The following C2orf66 variants were observed in gnomAD, a reference collection of about 807,000 sequenced individuals.
C2orf66 encodes uncharacterized protein C2orf66.
C2orf66 carries 6 observed loss-of-function variants against 7.0 expected under a neutral mutation model. The ratio of observed to expected loss-of-function variants is 0.86; its 90% CI spans 0.47 to 1.69. The LOEUF (loss-of-function observed/expected upper bound fraction) is 1.69, where lower values mean the gene tolerates loss of function less well. Among genes scored for constraint, C2orf66 ranks in the 40% most tolerant of loss-of-function variants. C2orf66 has a pLI of 0.01. For synonymous variants in C2orf66, 38 were observed against 43.8 expected, an observed-to-expected ratio of 0.87 and a Z score of 0.52; for missense variants, 107 against 112.0, an observed-to-expected ratio of 0.96 and a Z score of 0.20.
At chr2:196,823,290 A>C in the C2orf66 span, among the ~76,000 whole-genome samples, 1 of 152,176 alleles carries the variant, frequency 6.6e-6, no homozygotes, top group African/African-American at 2.4e-5. Flanking sequence ...TTTAATAGAA[A>C]TTTGGAAACT....
upstream of C2orf66, chr2:196,810,216 T>G (rs985590535): frequency 1.3e-5 from 2 of 152,200 alleles, no homozygotes; most frequent in African/African-American, 2.4e-5. Flanking sequence ...GATTTTCTCC[T>G]TTTTTACTTT....
At chr2:196,815,838 T>C in the C2orf66 span, among the ~76,000 whole-genome samples, 1 of 152,230 alleles carries the variant, frequency 6.6e-6, no homozygotes, top group Non-Finnish European at 1.5e-5. Context: ...CCAGAGCTGA[T>C]ACAGCTCGTT....
chr2:196,822,462 G>A, the C2orf66 span, among the ~76,000 whole-genome samples: 208 of 152,224 alleles, frequency 1.4e-3, 1 homozygote, highest in African/African-American at 4.8e-3. Context: ...GCTTCTTTAC[G>A]CCAGAACTCT....
the C2orf66 span, chr2:196,831,962 C>T: frequency 6.6e-6 from 1 of 152,152 alleles, no homozygotes; most frequent in Admixed American, 6.5e-5. Context: ...TGGTTTGTTA[C>T]ATTTGCAGGC....
chr2:196,823,479 C>G, the C2orf66 span, among the ~76,000 whole-genome samples: 3 of 151,680 alleles, frequency 2.0e-5, no homozygotes, highest in Non-Finnish European at 4.4e-5. Flanking sequence ...GAAAAATTAG[C>G]CAGGTGTGGG....
At chr2:196,822,017 C>T in the C2orf66 span, among the ~76,000 whole-genome samples, 1 of 126,944 alleles carries the variant, frequency 7.9e-6, no homozygotes, top group African/African-American at 2.9e-5. Flanking sequence ...TGGATCCAAG[C>T]GATTCTCCTG....
At chr2:196,813,655 T>C (rs146992304), upstream of C2orf66, among the ~76,000 whole-genome samples, 1 of 151,940 alleles carries the variant, frequency 6.6e-6, no homozygotes, top group Non-Finnish European at 1.5e-5. Context: ...TACAGAATGG[T>C]AGAAAATTTT....
upstream of C2orf66, chr2:196,809,407 A>G: frequency 6.3e-7 from 1 of 1,582,072 alleles, no homozygotes. Flanking sequence ...TAGTCAGGGA[A>G]GAGAGAGAGA....
chr2:196,823,708 CTTTG>C, the C2orf66 span, among the ~76,000 whole-genome samples: 198 of 152,022 alleles, frequency 1.3e-3, no homozygotes, highest in East Asian at 0.019. Context: ...TAATTTGATA[CTTTG>C]TTTGTCTAGT....
At chr2:196,830,046 T>A in the C2orf66 span, among the ~76,000 whole-genome samples, 4 of 152,174 alleles carry the variant, frequency 2.6e-5, no homozygotes, top group African/African-American at 7.2e-5. Flanking sequence ...TCAAAATATA[T>A]CCTCCCCCAT....
the C2orf66 span, among the ~76,000 whole-genome samples, chr2:196,831,345 A>T: frequency 1.3e-5 from 2 of 152,206 alleles, no homozygotes; most frequent in South Asian, 4.2e-4. Context: ...CTCATAGTCC[A>T]ATTTTCCTAC....
upstream of C2orf66, among the ~76,000 whole-genome samples, chr2:196,810,639 C>T (rs568076209): frequency 6.6e-6 from 1 of 152,264 alleles, no homozygotes; most frequent in East Asian, 1.9e-4. Context: ...AAATTTAGGA[C>T]AAGATATTTA....
At chr2:196,807,159 C>T (rs1365800807) in intron 2 of C2orf66, among the ~76,000 whole-genome samples, 1 of 151,958 alleles carries the variant, frequency 6.6e-6, no homozygotes, top group African/African-American at 2.4e-5. Context: ...TTTAATAATC[C>T]TATTAAGAGA....
At chr2:196,819,857 A>C in the C2orf66 span, among the ~76,000 whole-genome samples, 2 of 152,224 alleles carry the variant, frequency 1.3e-5, no homozygotes, top group Admixed American at 6.5e-5. Flanking sequence ...ATATTTTAAT[A>C]AGGAGGGGAG....
At chr2:196,811,111 G>C (rs1440279327), upstream of C2orf66, among the ~76,000 whole-genome samples, 2 of 152,154 alleles carry the variant, frequency 1.3e-5, no homozygotes, top group East Asian at 1.9e-4. Context: ...TGTCTAAAAA[G>C]GTGAACAGCT....
the C2orf66 span, among the ~76,000 whole-genome samples, chr2:196,818,598 T>A: frequency 6.6e-6 from 1 of 152,088 alleles, no homozygotes. Context: ...CAACAGAGGA[T>A]AAAAATCATG....
At chr2:196,831,216 C>T in the C2orf66 span, among the ~76,000 whole-genome samples, 1 of 152,116 alleles carries the variant, frequency 6.6e-6, no homozygotes. Flanking sequence ...ATTTCTGTCT[C>T]CCATTTTCGG....
chr2:196,827,407 T>C, the C2orf66 span, among the ~76,000 whole-genome samples: 1 of 152,116 alleles, frequency 6.6e-6, no homozygotes. Context: ...CTACTTCCTT[T>C]CTTAACATAA....
At chr2:196,827,884 GCA>G in the C2orf66 span, among the ~76,000 whole-genome samples, 1 of 152,144 alleles carries the variant, frequency 6.6e-6, no homozygotes, top group African/African-American at 2.4e-5. Context: ...ATGTAGCTCT[GCA>G]AAACCTGAAG....
Sources: gnomAD v4.1 joint callset for allele counts (sites outside exome capture counted in the v4.1 genomes callset) on GRCh38, gnomAD v4.1.1 for gene constraint, MANE v1.5 for transcripts, NCBI Gene and HGNC (gene_info 2026-07-23, HGNC 2026-07-21) for gene names.